TRIM5: variants seen among roughly 807,000 people sequenced by gnomAD.
TRIM5 encodes tripartite motif containing 5, also known as tripartite motif-containing protein 5.
Under a neutral mutation model 35.6 loss-of-function variants are expected in TRIM5, and 31 were observed. The ratio of observed to expected loss-of-function variants is 0.87; its 90% confidence interval spans 0.65 to 1.18. The LOEUF (loss-of-function observed/expected upper bound fraction) is 1.18. Ranked by LOEUF, TRIM5 falls within the 50% of genes most tolerant of loss-of-function variation. TRIM5 has a pLI of 0.00. For missense variants in TRIM5, 609 were observed against 591.6 expected (o/e 1.03, Z -0.31); for synonymous variants, 243 against 215.6 (o/e 1.13, Z -1.11).
chr11:5,594,422 C>T, the TRIM5 span, among the ~76,000 whole-genome samples: 1 of 152,088 alleles, frequency 6.6e-6, no homozygotes, highest in Non-Finnish European at 1.5e-5. Context: ...ATCCTCCCAC[C>T]TCTCAGCCTC....
the TRIM5 span, chr11:5,604,509 C>A: frequency 6.2e-7 from 1 of 1,604,406 alleles, no homozygotes; most frequent in South Asian, 1.1e-5. Context: ...CTTGATCCTG[C>A]TTGACCTGAT....
At chr11:5,668,423 A>G (rs1187996282) in intron 4 of TRIM5, among the ~76,000 whole-genome samples, 4 of 152,112 alleles carry the variant, frequency 2.6e-5, no homozygotes, top group African/African-American at 9.7e-5. Context: ...GTATAAGCAA[A>G]CAAGTGTACT....
chr11:5,671,105 A>G (rs554770193), intron 4 of TRIM5, among the ~76,000 whole-genome samples: 2 of 152,162 alleles, frequency 1.3e-5, no homozygotes, highest in Non-Finnish European at 2.9e-5. Context: ...GCGGAGCTGT[A>G]GTCCCAGCTA....
chr11:5,630,035 C>T, the TRIM5 span, among the ~76,000 whole-genome samples: 458 of 152,186 alleles, frequency 3.0e-3, 1 homozygote, highest in African/African-American at 0.011. Context: ...TGGTACAAGA[C>T]CATGTGACCA....
At chr11:5,677,722 C>T (rs1392503836) in intron 4 of TRIM5, among the ~76,000 whole-genome samples, 1 of 152,106 alleles carries the variant, frequency 6.6e-6, no homozygotes, top group Non-Finnish European at 1.5e-5. Flanking sequence ...AGCCACCGCG[C>T]CCAGCCTTTA....
chr11:5,628,904 T>C, the TRIM5 span, among the ~76,000 whole-genome samples: 3 of 152,096 alleles, frequency 2.0e-5, no homozygotes, highest in Admixed American at 6.6e-5. Flanking sequence ...TTGGCTTATA[T>C]CTGTGCTATT....
downstream of TRIM5, among the ~76,000 whole-genome samples, chr11:5,661,443 G>A (rs1267159847): frequency 6.6e-6 from 1 of 152,044 alleles, no homozygotes; most frequent in Non-Finnish European, 1.5e-5. Context: ...GTTTCTGCTT[G>A]AGGCCTGCTC....
chr11:5,634,981 C>A, the TRIM5 span: 1 of 1,000,560 alleles, frequency 1.0e-6, no homozygotes, highest in Non-Finnish European at 1.4e-6. Context: ...CCTTGTCGTC[C>A]ATTCTAGATG....
intron 4 of TRIM5, among the ~76,000 whole-genome samples, chr11:5,670,387 G>T (rs376481547): frequency 6.6e-6 from 1 of 151,160 alleles, no homozygotes; most frequent in African/African-American, 2.4e-5. Flanking sequence ...GGTTTTCACC[G>T]TGTAAGCCAG....
At chr11:5,677,154 A>G (rs928213374) in intron 4 of TRIM5, among the ~76,000 whole-genome samples, 24 of 152,106 alleles carry the variant, frequency 1.6e-4, no homozygotes, top group East Asian at 9.7e-4. Context: ...ACTACCATCA[A>G]AGTGAACAGG....
At chr11:5,593,689 G>A in the TRIM5 span, among the ~76,000 whole-genome samples, 1 of 152,106 alleles carries the variant, frequency 6.6e-6, no homozygotes, top group Non-Finnish European at 1.5e-5. Flanking sequence ...AATATTCCTG[G>A]TATATACTGA....
At position 5,679,911 on chromosome 11, in the gene TRIM5, C is replaced by G; in HGVS notation, c.267G>C (p.Gly89=). ...GGCGTGCACAATGATCAACTTTCTG[C>G]CCCTCTGGGCTCAACTTGACCTCCC... is the stretch of plus-strand genomic sequence containing the variant. The part of the protein sequence containing the change: ...KLREVKLSPE[G]QKVDHCARHG... Residue 89 remains glycine, a synonymous_variant, in exon 2 of 8, where the codon GGG becomes GGC. Transcript: ENST00000380034. 1 of 1,614,018 alleles carries G rather than the reference C, an allele frequency of 6.2e-7. No individual in the cohort carries two copies. The highest frequency in any genetic ancestry group is 1.1e-5 in the South Asian group (1 of 91,044).
chr11:5,636,045 G>A, the TRIM5 span, among the ~76,000 whole-genome samples: 2 of 152,120 alleles, frequency 1.3e-5, no homozygotes, highest in Non-Finnish European at 2.9e-5. Flanking sequence ...TATATACCTA[G>A]AAGAACTGAA....
chr11:5,629,968 A>G, the TRIM5 span, among the ~76,000 whole-genome samples: 3 of 152,082 alleles, frequency 2.0e-5, no homozygotes, highest in East Asian at 5.8e-4. Flanking sequence ...GGCCTCCCAA[A>G]GTGCTGAGAT....
the TRIM5 span, among the ~76,000 whole-genome samples, chr11:5,615,123 GTCCAGA>G: frequency 1.8e-3 from 278 of 152,106 alleles, no homozygotes; most frequent in African/African-American, 6.2e-3. Flanking sequence ...ATTTTAAATG[GTCCAGA>G]TACAGACTTT....
chr11:5,677,625 G>A (rs922292251), intron 4 of TRIM5, among the ~76,000 whole-genome samples: 1 of 152,040 alleles, frequency 6.6e-6, no homozygotes. Context: ...GGTCTCAATC[G>A]CCTGACCTCA....
In TRIM5 at chr11:5,664,156, G is replaced by A. The variant is rs1356720505; in HGVS notation, c.*653C>T. ...GTGGAGGTTGCAGTGAACCGAGATC[G>A]TGCCATTGCACTCCAGCCTGGGGAA... On this transcript the variant is annotated 3_prime_UTR_variant, in exon 8 of 8. Coordinates refer to ENST00000380034, the MANE Select transcript of TRIM5 (RefSeq NM_033034.3). 9.5e-5 allele frequency: 69 copies of A among 725,472 alleles called. 1 individual carries two copies. Among genetic ancestry groups the A allele is most frequent in the Non-Finnish European group, 1.1e-4 (66 of 599,702 alleles). 44.9% of individuals were successfully genotyped at this position (725,472 alleles called of 1,614,324 possible). A position where few individuals can be genotyped will look rare whatever the true frequency, so the allele number is the denominator to read the frequency against.
the TRIM5 span, among the ~76,000 whole-genome samples, chr11:5,627,600 A>G: frequency 2.0e-5 from 3 of 152,232 alleles, no homozygotes; most frequent in Admixed American, 2.0e-4. Flanking sequence ...TTTTGGAGAT[A>G]TATTGACCAG....
chr11:5,620,901 T>C, the TRIM5 span, among the ~76,000 whole-genome samples: 1 of 152,256 alleles, frequency 6.6e-6, no homozygotes, highest in South Asian at 2.1e-4. Flanking sequence ...CCTGTGTCTT[T>C]TGGCATTTTT....
Sources: gnomAD v4.1 joint callset for allele counts (sites outside exome capture counted in the v4.1 genomes callset) on GRCh38, gnomAD v4.1.1 for gene constraint, MANE v1.5 for transcripts, NCBI Gene and HGNC (gene_info 2026-07-23, HGNC 2026-07-21) for gene names.